Variants in PPM1J observed in about 807,000 individuals in gnomAD.
PPM1J encodes protein phosphatase, Mg2+/Mn2+ dependent 1J.
Under a neutral mutation model 53.3 loss-of-function variants are expected in PPM1J, and 43 were observed. That is an observed-to-expected ratio of 0.81 (90% CI 0.63 to 1.04). The LOEUF (loss-of-function observed/expected upper bound fraction) is 1.04. Ranked by LOEUF, PPM1J falls within the 50% of genes least tolerant of loss-of-function variation. The pLI is 0.00. For synonymous variants in PPM1J, 267 were observed against 286.4 expected (o/e 0.93, Z 0.68); for missense variants, 635 against 685.9 (o/e 0.93, Z 0.83).
chr1:112,712,675 C>T, intron 3 of PPM1J, 69 bp downstream of exon 3: 1 of 1,498,848 alleles, frequency 6.7e-7, no homozygotes, highest in Non-Finnish European at 9.1e-7. Context: ...GGGTAACCCC[C>T]TCTGGCTTCC....
At position 112,712,243 on chromosome 1, in the gene PPM1J, C is replaced by T. The variant is rs372190039; in HGVS notation, c.842+102G>A. The stretch of plus-strand genomic sequence containing the variant: ...TATGTCTGTCACCCCTCTTGACTCC[C>T]TCCAATCTTGATTTTTAACCCCTGC... On this transcript the variant is annotated intron_variant, in intron 4 of 9. Transcript: ENST00000309276. The T allele has an allele frequency of 6.5e-6, 7 of 1,075,952 alleles. No individual in the cohort carries two copies. In the South Asian group the frequency reaches 7.4e-5, roughly 11 times the overall value. 66.7% of individuals were successfully genotyped at this position (1,075,952 alleles called of 1,614,324 possible).
chr1:112,712,081 G>A, intron 4 of PPM1J, 26 bp from the exon 5 acceptor site: 2 of 1,577,360 alleles, frequency 1.3e-6, no homozygotes, highest in Non-Finnish European at 1.7e-6. Context: ...AAAGGAATTG[G>A]GACCTGGTTC....
Position 112,712,020 on chromosome 1 carries a change from A to G in PPM1J, c.878T>C (p.Met293Thr). 2 of 1,611,042 alleles carry G rather than the reference A, an allele frequency of 1.2e-6. No individual in the cohort carries two copies. Among genetic ancestry groups the G allele is most frequent in the Non-Finnish European group, 1.7e-6 (2 of 1,177,886 alleles). ...AGTCTCCGGGGTAAACTCCCGGGAC[A>G]TTGGAATGATTTCACCATTCCGGAC... ...IIVRNGEIIPMSREFTPETER... is the reference protein window; with the variant it reads ...IIVRNGEIIPTSREFTPETER... The change falls in exon 5 of 10, where the codon ATG becomes ACG. Residue 293 changes from methionine to threonine, a missense_variant. Transcript: ENST00000309276.
chr1:112,712,720 T>C (rs774835964), intron 3 of PPM1J, 24 bp downstream of exon 3: 1 of 1,587,504 alleles, frequency 6.3e-7, no homozygotes, highest in African/African-American at 1.3e-5. Context: ...CCTAGCAGGC[T>C]CTTGGCCCAG....
intron 1 of PPM1J, among the ~76,000 whole-genome samples, 182 bp from the exon 2 acceptor site, chr1:112,713,793 T>G (rs1485578707): frequency 1.3e-5 from 2 of 152,018 alleles, no homozygotes; most frequent in East Asian, 1.9e-4. Context: ...GAGTACTGTT[T>G]GGGTGGCCAG....
At chr1:112,711,168 A>C in intron 6 of PPM1J, 97 bp from the exon 7 acceptor site, 1 of 1,469,120 alleles carries the variant, frequency 6.8e-7, no homozygotes, top group Non-Finnish European at 9.5e-7. Flanking sequence ...GAAGGGCCAC[A>C]TCCTCCCAAC....
At position 112,711,567 on chromosome 1, in the gene PPM1J, A is replaced by G. The variant is rs1675060990; in HGVS notation, c.928-183T>C. On this transcript the variant is annotated intron_variant, in intron 5 of 9. Coordinates refer to ENST00000309276, the MANE Select transcript of PPM1J (RefSeq NM_005167.7). ...CACAACAGCCCTTAAGGCAGGAACT[A>G]TTGATGCACAGAGAGGTTAAGGGAG... 2.0e-5 allele frequency: 12 copies of G among 586,886 alleles called. No individual in the cohort carries two copies. The South Asian group carries it at 2.4e-4, about 12-fold the overall frequency. The allele number at this position is 586,886 out of a possible 1,614,324, so 36.4% of individuals were successfully genotyped here. A position where few individuals can be genotyped will look rare whatever the true frequency, so the allele number is the denominator to read the frequency against.
chr1:112,715,225 G>A lies in PPM1J; in HGVS notation c.77C>T (p.Pro26Leu), dbSNP rs775583142. The A allele has an allele frequency of 1.1e-5, 16 of 1,401,884 alleles. No homozygotes were observed. Among genetic ancestry groups the A allele is most frequent in the Non-Finnish European group, 1.3e-5 (14 of 1,089,404 alleles). 86.8% of individuals were successfully genotyped at this position (1,401,884 alleles called of 1,614,324 possible). Residue 26 changes from proline (P) to leucine (L), a missense_variant, in exon 1 of 10, where the codon CCG (proline) becomes CTG (leucine). Pro to Leu is a moderately conservative substitution (Grantham distance 98, BLOSUM62 -3). Coordinates refer to ENST00000309276, the MANE Select transcript of PPM1J (RefSeq NM_005167.7). The surrounding 1 kb of genome is among the most constrained non-coding windows in gnomAD (Gnocchi z 4.4). ...CGCCGAGGCGGCGTTGGGCAGGTCC[G>A]GGGATTTGGGGCGCGGAGGCGGAGC... The part of the protein sequence containing the change: ...GGAPPPRPKS[P>L]DLPNAASAPP...
chr1:112,713,826 C>T (rs894237577), intron 1 of PPM1J, among the ~76,000 whole-genome samples: 7 of 152,018 alleles, frequency 4.6e-5, no homozygotes, highest in Non-Finnish European at 8.8e-5. Context: ...ACAGAAAGGC[C>T]AGCAGGAGCT....
At position 112,710,703 on chromosome 1, in the gene PPM1J, G is replaced by A. The variant is rs1675036429; in HGVS notation, c.1218+41C>T. The A allele has an allele frequency of 5.0e-6, 8 of 1,612,920 alleles. No homozygotes were observed. The East Asian group carries it at 8.9e-5, about 18-fold the overall frequency. On this transcript the variant is annotated intron_variant, in intron 8 of 9. Transcript: ENST00000309276. ...AGGGACTGCAGATGAAAGCTGGCCT[G>A]AGACTCCCAGAGAAGGCAAGGTGTG... is the stretch of plus-strand genomic sequence containing the variant.
At position 112,710,126 on chromosome 1, in the gene PPM1J, T is replaced by C; in HGVS notation, c.*37A>G. On this transcript the variant is annotated 3_prime_UTR_variant, in exon 10 of 10. Coordinates refer to ENST00000309276, the MANE Select transcript of PPM1J (RefSeq NM_005167.7). Reference sequence around the variant, plus strand: ...GAATTTGGGCTGTGAGAGGAGTAAGTATGGAGAGGCTAGTGGGAGGGATGG... The same window carrying C: ...GAATTTGGGCTGTGAGAGGAGTAAGCATGGAGAGGCTAGTGGGAGGGATGG... 1.3e-6 allele frequency: 2 copies of C among 1,518,404 alleles called. No homozygotes were observed. The highest frequency in any genetic ancestry group is 1.8e-6 in the Non-Finnish European group (2 of 1,135,632). The allele number at this position is 1,518,404 out of a possible 1,614,324, so 94.1% of individuals were successfully genotyped here.
intron 1 of PPM1J, chr1:112,713,997 A>G: frequency 9.2e-7 from 1 of 1,089,500 alleles, no homozygotes; most frequent in East Asian, 6.0e-5. Context: ...TCCCACCCTC[A>G]ACCACTATCA....
Position 112,710,783 on chromosome 1 carries a change from G to A in PPM1J, c.1179C>T (p.Ser393=), listed in dbSNP as rs1215882370. The change falls in exon 8 of 10, where the codon TCC becomes TCT. Residue 393 remains serine (S), a synonymous_variant. Transcript: ENST00000309276. Reference sequence around the variant, plus strand: ...AGAGAAAGGGCTTGATGGGCAGGGTGGAACTGCAGACCTTAAGGCTGTGGT... The same window carrying A: ...AGAGAAAGGGCTTGATGGGCAGGGTAGAACTGCAGACCTTAAGGCTGTGGT... ...LGDHSLKVCS[S]TLPIKPFLSC... 3 of 1,613,992 alleles carry A rather than the reference G, an allele frequency of 1.9e-6. No homozygotes were observed. In the East Asian group the frequency reaches 6.7e-5, roughly 36 times the overall value.
rs1485395577 is a variant in PPM1J at position 112,710,075 on chromosome 1, A to G, written c.*88T>C. On this transcript the variant is annotated 3_prime_UTR_variant, in exon 10 of 10. Transcript: ENST00000309276. The stretch of plus-strand genomic sequence containing the variant: ...TCCCTTCTTCAGTTAAGTTGCCACT[A>G]AAGAAGGGTCAGGGAGACAACTTCA... 27 of 1,474,418 alleles carry G rather than the reference A, an allele frequency of 1.8e-5. No individual in the cohort carries two copies. The highest frequency in any genetic ancestry group is 2.4e-5 in the Non-Finnish European group (27 of 1,115,372). The allele number at this position is 1,474,418 out of a possible 1,614,324, so 91.3% of individuals were successfully genotyped here.
At chr1:112,712,215 CCTT>C in intron 4 of PPM1J, 127 bp downstream of exon 4, 1 of 943,344 alleles carries the variant, frequency 1.1e-6, no homozygotes, top group Non-Finnish European at 1.6e-6. Flanking sequence ...TCAGGCCACT[CCTT>C]ATGTCTGTCA....
chr1:112,714,132 A>C (rs1675137321), intron 1 of PPM1J: 1 of 1,001,820 alleles, frequency 1.0e-6, no homozygotes, highest in African/African-American at 1.7e-5. Flanking sequence ...AGATCGGGAA[A>C]GAGGAACTGA....
rs764832860 is a variant in PPM1J at position 112,711,282 on chromosome 1, G to A, written c.1030C>T (p.Gln344Ter). ...AAGTGTTACCAGCCGGTCATGTTCT[G>A]GTCCCGGTACAACATCCTCTGCCCC... is the stretch of plus-strand genomic sequence containing the variant. ...ELGQRMLYRD[Q>*]NMTGWAYKKI... The change falls in exon 6 of 10, where the codon CAG becomes TAG. Residue 344 changes from glutamine (Q) to a stop codon, truncating the protein, a stop_gained. Transcript: ENST00000309276. LOFTEE classifies it high-confidence loss of function. 1 of 1,608,432 alleles carries A rather than the reference G, an allele frequency of 6.2e-7. No homozygotes were observed. The highest frequency in any genetic ancestry group is 1.7e-5 in the Admixed American group (1 of 58,874).
rs1557782833 is a variant in PPM1J, at chr1:112,710,629, CAG to C, written c.1219-20_1219-19del. ...ACTCGTACCTGGTGGGAGAAAAGGG[CAG>C]AGAGGATTGAGGTGTGGGGTTTGCT... On this transcript the variant is annotated intron_variant, in intron 8 of 9. Transcript: ENST00000309276. 6.2e-7 allele frequency: 1 copy of C among 1,614,034 alleles called. No homozygotes were observed. The highest frequency in any genetic ancestry group is 8.5e-7 in the Non-Finnish European group (1 of 1,179,948).
chr1:112,712,514 A>G, intron 3 of PPM1J, 57 bp from the exon 4 acceptor site: 4 of 1,452,476 alleles, frequency 2.8e-6, no homozygotes, highest in Non-Finnish European at 2.9e-6. Flanking sequence ...GCACACAGTC[A>G]CCCTCCCCCT....
Sources: allele counts gnomAD v4.1 joint callset (sites outside exome capture counted in the v4.1 genomes callset), GRCh38; gene constraint gnomAD v4.1.1; non-coding constraint Gnocchi (gnomAD v3.1); transcripts MANE v1.5; gene names NCBI Gene and HGNC (gene_info 2026-07-23, HGNC 2026-07-21).